PHLDB3: variants seen among roughly 807,000 people sequenced by gnomAD.
PHLDB3 encodes the protein pleckstrin homology-like domain family B member 3.
PHLDB3 carries 86 observed loss-of-function variants against 85.7 expected under a neutral mutation model. That is an observed-to-expected ratio of 1.00 (90% confidence interval 0.84 to 1.20). The LOEUF (loss-of-function observed/expected upper bound fraction) is 1.20. PHLDB3 is among the 50% of genes most tolerant of loss of function. The pLI, the probability that PHLDB3 is intolerant of heterozygous loss-of-function variation, is 0.00. For synonymous variants in PHLDB3, 376 were observed against 349.8 expected, an observed-to-expected ratio of 1.07 and a Z score of -0.83; for missense variants, 995 against 873.0, an observed-to-expected ratio of 1.14 and a Z score of -1.76.
chr19:43,487,586 A>AAAAAAAAAAAAAAAC (rs1971205935), intron 9 of PHLDB3, among the ~76,000 whole-genome samples: 1 of 120,620 alleles, frequency 8.3e-6, no homozygotes, highest in South Asian at 2.8e-4. Context: ...AAAAAAAAAA[A>AAAAAAAAAAAAAAAC]AAAAAACACA....
rs11083711 is a variant in PHLDB3, at chr19:43,497,227, T to C, written c.716A>G (p.Gln239Arg). 84,124 of 1,535,234 alleles carry C rather than the reference T, an allele frequency of 0.055. 3,047 individuals carry two copies. Among genetic ancestry groups the C allele is most frequent in the Admixed American group, 0.17 (8,121 of 47,608 alleles). The part of the protein sequence containing the change: ...AQRAYEDLEF[Q>R]QLERESRQEE... ...CTGCCGGCTCTCCCGCTCCAGTTGC[T>C]GGAACTCCAGGTCCTCATAGGCACG... The change falls in exon 6 of 16, where the codon CAG (glutamine) becomes CGG (arginine). Residue 239 changes from glutamine (Q) to arginine (R), a missense_variant. Coordinates refer to ENST00000292140, the MANE Select transcript of PHLDB3 (RefSeq NM_198850.4).
chr19:43,497,274 C>T lies in PHLDB3; in HGVS notation c.669G>A (p.Arg223=), dbSNP rs113083808. Residue 223 remains arginine, a synonymous_variant, in exon 6 of 16, where the codon AGG becomes AGA. Coordinates refer to ENST00000292140, the MANE Select transcript of PHLDB3 (RefSeq NM_198850.4). The part of the protein sequence containing the change: ...ERLLQGVQEM[R]EQLDVAQRAY... ...CACGTTGGGCCACATCCAGTTGTTC[C>T]CTCATCTATAGGTCGGAACACAAAA... The T allele has an allele frequency of 3.4e-6, 5 of 1,452,168 alleles. No homozygotes were observed. The African/African-American group carries it at 4.4e-5, about 13-fold the overall frequency. The allele number at this position is 1,452,168 out of a possible 1,614,324, so 90.0% of individuals were successfully genotyped here.
chr19:43,485,301 C>T (rs1472779101), intron 13 of PHLDB3, among the ~76,000 whole-genome samples: 1 of 151,744 alleles, frequency 6.6e-6, no homozygotes, highest in Non-Finnish European at 1.5e-5. Flanking sequence ...CAACCTGCAC[C>T]TCCCAGGTTC....
intron 9 of PHLDB3, among the ~76,000 whole-genome samples, chr19:43,492,819 G>A (rs760128655): frequency 2.0e-5 from 3 of 152,002 alleles, no homozygotes; most frequent in Non-Finnish European, 4.4e-5. Context: ...TCAGCATGAA[G>A]CATTTGTAAC....
At chr19:43,492,927 AG>A (rs1161837067) in intron 9 of PHLDB3, among the ~76,000 whole-genome samples, 1 of 152,130 alleles carries the variant, frequency 6.6e-6, no homozygotes, top group Non-Finnish European at 1.5e-5. Context: ...ATTAAAAATG[AG>A]GCAACTGTAA....
chr19:43,497,945 CA>C, intron 4 of PHLDB3, 69 bp from the exon 5 acceptor site: 1 of 1,535,952 alleles, frequency 6.5e-7, no homozygotes. Context: ...AGCCATATCT[CA>C]GAGCCTGCCT....
intron 15 of PHLDB3, among the ~76,000 whole-genome samples, chr19:43,476,363 G>A (rs1474868226): frequency 1.3e-5 from 2 of 152,094 alleles, no homozygotes; most frequent in Admixed American, 6.6e-5. Flanking sequence ...AACTCAGGCC[G>A]GCCGGGCTGG....
At chr19:43,488,482 C>CA (rs1242384636) in intron 9 of PHLDB3, among the ~76,000 whole-genome samples, 1 of 151,874 alleles carries the variant, frequency 6.6e-6, no homozygotes, top group Non-Finnish European at 1.5e-5. Flanking sequence ...AACAAAAAAA[C>CA]AAAAAACCCA....
Position 43,480,256 on chromosome 19 carries a change from T to C in PHLDB3, c.1486-663A>G, listed in dbSNP as rs569784360. ...AGCCTGGGCAACACAGAAGACCCCTTCTCTATTTAAAAAAAAAAAAAAAAA... is the reference window on the plus strand; with the variant it reads ...AGCCTGGGCAACACAGAAGACCCCTCCTCTATTTAAAAAAAAAAAAAAAAA... On this transcript the variant is annotated intron_variant, in intron 13 of 15. Transcript: ENST00000292140. Among the ~76,000 whole-genome samples, 150 of 120,958 alleles carry C rather than the reference T, an allele frequency of 1.2e-3. 1 individual carries two copies. The highest frequency in any genetic ancestry group is 5.7e-3 in the Admixed American group (62 of 10,934). 79.4% of individuals were successfully genotyped at this position (120,958 alleles called of 152,430 possible).
At position 43,497,122 on chromosome 19, in the gene PHLDB3, T is replaced by A. The variant is rs1353743111; in HGVS notation, c.821A>T (p.His274Leu). The change falls in exon 6 of 16, where the codon CAC becomes CTC. Residue 274 changes from histidine (H) to leucine (L), a missense_variant. Coordinates refer to ENST00000292140, the MANE Select transcript of PHLDB3 (RefSeq NM_198850.4). Reference sequence around the variant, plus strand: ...CGCTGGTCAGGCATGACTCACTCTGTGCTGCGCCATGCTGGCCTGGAGTTC... The same window carrying A: ...CGCTGGTCAGGCATGACTCACTCTGAGCTGCGCCATGCTGGCCTGGAGTTC... ...VQELQASMAQ[H>L]RRGALQHRIR... The A allele has an allele frequency of 6.5e-7, 1 of 1,527,562 alleles. No homozygotes were observed. The highest frequency in any genetic ancestry group is 8.7e-7 in the Non-Finnish European group (1 of 1,142,896). 94.6% of individuals were successfully genotyped at this position (1,527,562 alleles called of 1,614,324 possible).
intron 13 of PHLDB3, among the ~76,000 whole-genome samples, chr19:43,484,401 T>C (rs1270220551): frequency 6.6e-6 from 1 of 150,566 alleles, no homozygotes; most frequent in Non-Finnish European, 1.5e-5. Context: ...ATTTTTGTTA[T>C]GTTAAAAAAA....
chr19:43,494,330 G>T (rs1332368279), intron 9 of PHLDB3, among the ~76,000 whole-genome samples: 1 of 151,928 alleles, frequency 6.6e-6, no homozygotes, highest in Non-Finnish European at 1.5e-5. Context: ...CTATAAATGA[G>T]CTGCCCCCCC....
chr19:43,494,224 G>A (rs1971387341), intron 9 of PHLDB3, among the ~76,000 whole-genome samples: 1 of 152,056 alleles, frequency 6.6e-6, no homozygotes, highest in Admixed American at 6.6e-5. Context: ...TGGCCAGGCT[G>A]GTCTCGAACT....
chr19:43,497,109 A>AT lies in PHLDB3; in HGVS notation c.825+8dup. ...GCAAGGGGGGCAGCGCTGGTCAGGC[A>AT]TGACTCACTCTGTGCTGCGCCATGC... On this transcript the variant is annotated intron_variant, in intron 6 of 15. Transcript: ENST00000292140. 1 of 1,480,768 alleles carries AT rather than the reference A, an allele frequency of 6.8e-7. No individual in the cohort carries two copies. Among genetic ancestry groups the AT allele is most frequent in the African/African-American group, 1.4e-5 (1 of 69,504 alleles). 91.7% of individuals were successfully genotyped at this position (1,480,768 alleles called of 1,614,324 possible).
intron 5 of PHLDB3, 46 bp from the exon 6 acceptor site, chr19:43,497,325 C>T: frequency 7.4e-7 from 1 of 1,346,590 alleles, no homozygotes; most frequent in Non-Finnish European, 9.7e-7. Flanking sequence ...ATCCCTAAGA[C>T]CCCAGGGAGT....
intron 13 of PHLDB3, among the ~76,000 whole-genome samples, chr19:43,481,624 A>G (rs1971048695): frequency 6.6e-6 from 1 of 151,730 alleles, no homozygotes; most frequent in Non-Finnish European, 1.5e-5. Flanking sequence ...ATCTCAAAAA[A>G]AAAATACAAA....
At chr19:43,488,803 A>AT (rs563067337) in intron 9 of PHLDB3, among the ~76,000 whole-genome samples, 6,215 of 142,312 alleles carry the variant, frequency 0.044, 138 homozygotes, top group South Asian at 0.076. Flanking sequence ...TCCATAGACC[A>AT]TTTTTTTTTT....
At chr19:43,500,908 T>TCCCCCCCCCCCCCCCC (rs1568485127) in intron 4 of PHLDB3, among the ~76,000 whole-genome samples, 1 of 8,316 alleles carries the variant, frequency 1.2e-4, no homozygotes, top group Non-Finnish European at 2.6e-4. Flanking sequence ...CCGCCCCCCG[T>TCCCCCCCCCCCCCCCC]ACCCCCCCCC....
rs115867437 is a variant in PHLDB3 at position 43,502,044 on chromosome 19, G to C, written c.396+57C>G. On this transcript the variant is annotated intron_variant, in intron 3 of 15. Coordinates refer to ENST00000292140, the MANE Select transcript of PHLDB3 (RefSeq NM_198850.4). Reference sequence around the variant, plus strand: ...ACCCGAGGAAAAAGCTGGGAGTCCGGCTTTGCGGGTTCCGCTTGAGTTGGG... The same window carrying C: ...ACCCGAGGAAAAAGCTGGGAGTCCGCCTTTGCGGGTTCCGCTTGAGTTGGG... 1,656 of 1,531,380 alleles carry C rather than the reference G, an allele frequency of 1.1e-3. 20 individuals are homozygous for C. The African/African-American group carries it at 0.021, about 19-fold the overall frequency. 94.9% of individuals were successfully genotyped at this position (1,531,380 alleles called of 1,614,324 possible).
Sources: gnomAD v4.1 joint callset for allele counts (sites outside exome capture counted in the v4.1 genomes callset) on GRCh38, gnomAD v4.1.1 for gene constraint, MANE v1.5 for transcripts, NCBI Gene and HGNC (gene_info 2026-07-23, HGNC 2026-07-21) for gene names.